MAP3K20: variants seen among roughly 807,000 people sequenced by gnomAD.
MAP3K20 encodes the protein mitogen-activated protein kinase kinase kinase 20.
A neutral mutation model predicts 85.7 loss-of-function variants in MAP3K20; 40 were observed. That is an observed-to-expected ratio of 0.47 (90% CI 0.36 to 0.61). The LOEUF (loss-of-function observed/expected upper bound fraction) is 0.61, where lower values mean the gene tolerates loss of function less well. Among genes scored for constraint, MAP3K20 ranks in the 20% least tolerant of loss-of-function variants. The pLI is 0.00. For missense variants in MAP3K20, 817 were observed against 961.7 expected (o/e 0.85, Z 1.99); for synonymous variants, 325 against 327.7 (o/e 0.99, Z 0.09).
At chr2:173,245,362 G>A (rs1684889122) in intron 16 of MAP3K20, among the ~76,000 whole-genome samples, 1 of 152,138 alleles carries the variant, frequency 6.6e-6, no homozygotes, top group Non-Finnish European at 1.5e-5. Context: ...TGCCTGCCCT[G>A]CTATCATAAT....
chr2:173,171,534 A>G (rs956197107), intron 3 of MAP3K20, among the ~76,000 whole-genome samples: 1 of 152,188 alleles, frequency 6.6e-6, no homozygotes, highest in African/African-American at 2.4e-5. Flanking sequence ...TTCTTTCTCC[A>G]AGAGTTTACT....
In MAP3K20 at chr2:173,263,785, C is replaced by A. The variant is rs3769148; in HGVS notation, c.1592C>A (p.Ser531Ter). The change falls in exon 19 of 20, where the codon TCG (serine) becomes TAG (stop). Residue 531 changes from serine (S) to a stop codon, truncating the protein, a stop_gained. Coordinates refer to ENST00000375213, the MANE Select transcript of MAP3K20 (RefSeq NM_016653.3). LOFTEE classifies it high-confidence loss of function. ...RTPKSTKHVH[S>*]IQWSRTKPQD... Reference sequence around the variant, plus strand: ...CCAAAAAGCACTAAACATGTCCATTCGATTCAGTGGAGTAGAACAAAACCT... The same window carrying A: ...CCAAAAAGCACTAAACATGTCCATTAGATTCAGTGGAGTAGAACAAAACCT... 145 of 1,612,288 alleles carry A rather than the reference C, an allele frequency of 9.0e-5. No homozygotes were observed. The African/African-American group carries it at 1.8e-3, about 20-fold the overall frequency.
chr2:173,161,653 C>A (rs900864719), intron 2 of MAP3K20, among the ~76,000 whole-genome samples: 6 of 152,082 alleles, frequency 3.9e-5, no homozygotes, highest in Non-Finnish European at 7.3e-5. Context: ...TAGGAGCAGA[C>A]ACAAGAAGGG....
chr2:173,185,453 A>T (rs932618756), intron 4 of MAP3K20, among the ~76,000 whole-genome samples: 57 of 152,084 alleles, frequency 3.7e-4, no homozygotes, highest in African/African-American at 1.3e-3. Flanking sequence ...AAAAAAAATC[A>T]AGGCTTTAGG....
At chr2:173,248,688 A>G (rs1296238400) in intron 16 of MAP3K20, among the ~76,000 whole-genome samples, 1 of 152,108 alleles carries the variant, frequency 6.6e-6, no homozygotes, top group African/African-American at 2.4e-5. Context: ...GGTTTGTAGC[A>G]TGTGTAGATC....
intron 11 of MAP3K20, chr2:173,222,100 G>A: frequency 1.1e-6 from 1 of 912,192 alleles, no homozygotes; most frequent in Non-Finnish European, 1.3e-6. Flanking sequence ...TACTTGGGAG[G>A]CCAAGGCAGG....
intron 16 of MAP3K20, among the ~76,000 whole-genome samples, chr2:173,258,467 T>G (rs1326060044): frequency 6.6e-6 from 1 of 152,008 alleles, no homozygotes; most frequent in Non-Finnish European, 1.5e-5. Context: ...AGTTTGTAAC[T>G]CCTATAATAG....
chr2:173,192,066 ATAC>A (rs1690668767), intron 7 of MAP3K20, among the ~76,000 whole-genome samples: 1 of 105,544 alleles, frequency 9.5e-6, no homozygotes. Context: ...TTTACATCTC[ATAC>A]TGCCCTGCTA....
intron 8 of MAP3K20, among the ~76,000 whole-genome samples, chr2:173,200,021 C>G (rs1206963331): frequency 6.6e-6 from 1 of 152,096 alleles, no homozygotes; most frequent in Non-Finnish European, 1.5e-5. Flanking sequence ...CAGCTAATAA[C>G]TGATGAAGAC....
intron 7 of MAP3K20, 50 bp from the exon 8 acceptor site, chr2:173,197,976 C>G (rs375404103): frequency 1.3e-5 from 21 of 1,555,656 alleles, no homozygotes; most frequent in Non-Finnish European, 1.2e-5. Flanking sequence ...TAATATGTAC[C>G]AAAAAATATA....
intron 11 of MAP3K20, chr2:173,223,620 T>C: frequency 1.0e-6 from 1 of 985,482 alleles, no homozygotes. Flanking sequence ...AGATTTTTTC[T>C]GTTGCTCTTT....
intron 16 of MAP3K20, among the ~76,000 whole-genome samples, chr2:173,247,407 G>C (rs1356276555): frequency 6.6e-6 from 1 of 151,862 alleles, no homozygotes; most frequent in Non-Finnish European, 1.5e-5. Flanking sequence ...AGGGCACAAA[G>C]AAAAGGATTT....
At chr2:173,191,299 C>T in intron 7 of MAP3K20, 122 bp downstream of exon 7, 1 of 1,341,194 alleles carries the variant, frequency 7.5e-7, no homozygotes, top group Non-Finnish European at 1.0e-6. Flanking sequence ...GGTGGAATGC[C>T]TAAAGCAGCA....
intron 4 of MAP3K20, among the ~76,000 whole-genome samples, chr2:173,184,864 C>G (rs1186524478): frequency 1.3e-5 from 2 of 150,324 alleles, no homozygotes; most frequent in East Asian, 3.9e-4. Context: ...GAGCCAACAT[C>G]AAGCCACTGC....
chr2:173,150,518 T>A (rs1235166896), intron 2 of MAP3K20, among the ~76,000 whole-genome samples: 1 of 152,232 alleles, frequency 6.6e-6, no homozygotes, highest in Non-Finnish European at 1.5e-5. Context: ...AGCAATTGAT[T>A]GTTCAGGCTG....
At chr2:173,200,276 T>C (rs1691004718) in intron 8 of MAP3K20, among the ~76,000 whole-genome samples, 1 of 152,208 alleles carries the variant, frequency 6.6e-6, no homozygotes, top group Non-Finnish European at 1.5e-5. Context: ...CAAATGGAGG[T>C]ATCCATTTCC....
intron 7 of MAP3K20, among the ~76,000 whole-genome samples, chr2:173,197,029 A>G (rs113535783): frequency 5.3e-5 from 8 of 152,244 alleles, no homozygotes; most frequent in Non-Finnish European, 7.4e-5. Context: ...TAGGATTGCT[A>G]TTAATCATGG....
intron 2 of MAP3K20, among the ~76,000 whole-genome samples, chr2:173,147,895 T>C (rs1689183078): frequency 6.6e-6 from 1 of 152,112 alleles, no homozygotes. Flanking sequence ...ACTCCAGCCT[T>C]TTTAAAATAT....
At chr2:173,123,806 G>A (rs1312120416) in intron 2 of MAP3K20, among the ~76,000 whole-genome samples, 1 of 151,818 alleles carries the variant, frequency 6.6e-6, no homozygotes, top group East Asian at 1.9e-4. Context: ...GGAAATAGTA[G>A]CTCTATGACT....
Sources: gnomAD v4.1 joint callset for allele counts (sites outside exome capture counted in the v4.1 genomes callset) on GRCh38, gnomAD v4.1.1 for gene constraint, MANE v1.5 for transcripts, NCBI Gene and HGNC (gene_info 2026-07-23, HGNC 2026-07-21) for gene names.